RASSF3: variants seen among roughly 807,000 people sequenced by gnomAD.
RASSF3 encodes the protein ras association domain-containing protein 3.
RASSF3 carries 19 observed loss-of-function variants against 19.9 expected under a neutral mutation model. The ratio of observed to expected loss-of-function variants is 0.96; its 90% CI spans 0.67 to 1.40. RASSF3 has a LOEUF of 1.40. Among genes scored for constraint, RASSF3 ranks in the 40% most tolerant of loss-of-function variants. RASSF3 has a pLI of 0.00. For missense variants in RASSF3, 306 were observed against 289.8 expected, an observed-to-expected ratio of 1.06 and a Z score of -0.41; for synonymous variants, 110 against 104.2, an observed-to-expected ratio of 1.06 and a Z score of -0.34.
intron 1 of RASSF3, among the ~76,000 whole-genome samples, chr12:64,640,247 A>G (rs1871468114): frequency 6.6e-6 from 1 of 152,190 alleles, no homozygotes; most frequent in Non-Finnish European, 1.5e-5. Flanking sequence ...CAGTGATACC[A>G]CCACACTCAA....
At chr12:64,574,897 T>C (rs891479863) in intron 2 of RASSF3, among the ~76,000 whole-genome samples, 13 of 152,224 alleles carry the variant, frequency 8.5e-5, no homozygotes, top group African/African-American at 3.1e-4. Flanking sequence ...GTGGTTCTTT[T>C]GTTATCCAAC....
At chr12:64,520,573 T>C (rs1329307371) in intron 1 of RASSF3, among the ~76,000 whole-genome samples, 203 of 42,500 alleles carry the variant, frequency 4.8e-3, no homozygotes, top group African/African-American at 0.015. Flanking sequence ...TATATATATA[T>C]ATATATATAT....
chr12:64,609,627 A>C (rs1870266003), upstream of RASSF3, among the ~76,000 whole-genome samples: 1 of 152,214 alleles, frequency 6.6e-6, no homozygotes, highest in Non-Finnish European at 1.5e-5. Context: ...GTTTTAGAAA[A>C]CATGGAAACT....
chr12:64,629,434 C>G (rs993508451), intron 1 of RASSF3, among the ~76,000 whole-genome samples: 1 of 152,098 alleles, frequency 6.6e-6, no homozygotes, highest in East Asian at 1.9e-4. Flanking sequence ...GCTAGAAGGA[C>G]TATACTTAAA....
chr12:64,659,344 C>G (rs896475336), intron 1 of RASSF3, among the ~76,000 whole-genome samples: 2 of 152,132 alleles, frequency 1.3e-5, no homozygotes, highest in African/African-American at 4.8e-5. Context: ...CTAAATGGAA[C>G]CTGTACTGTC....
At chr12:64,640,321 A>C (rs959145083) in intron 1 of RASSF3, among the ~76,000 whole-genome samples, 8 of 152,210 alleles carry the variant, frequency 5.3e-5, no homozygotes, top group Admixed American at 3.9e-4. Context: ...AAGAACACTT[A>C]ACATGAGATT....
chr12:64,516,998 CAAAAA>C (rs371430838), intron 1 of RASSF3, among the ~76,000 whole-genome samples: 3 of 51,968 alleles, frequency 5.8e-5, no homozygotes, highest in African/African-American at 2.1e-4. Flanking sequence ...AAATCTGTCT[CAAAAA>C]AAAAAAAAAA....
chr12:64,588,388 A>G (rs898987185), intron 2 of RASSF3, among the ~76,000 whole-genome samples: 8 of 152,272 alleles, frequency 5.3e-5, no homozygotes, highest in African/African-American at 1.9e-4. Context: ...GAAGCCTTTA[A>G]AATACCTTTT....
chr12:64,595,985 A>G (rs1869993689), intron 2 of RASSF3, among the ~76,000 whole-genome samples: 1 of 152,172 alleles, frequency 6.6e-6, no homozygotes, highest in African/African-American at 2.4e-5. Flanking sequence ...AAAGCTATCC[A>G]TAAAGAAATC....
At chr12:64,644,899 T>C (rs931858348) in intron 1 of RASSF3, among the ~76,000 whole-genome samples, 5 of 151,762 alleles carry the variant, frequency 3.3e-5, no homozygotes, top group African/African-American at 1.2e-4. Flanking sequence ...GCAAAACCTG[T>C]CTCTACAAAA....
intron 1 of RASSF3, among the ~76,000 whole-genome samples, chr12:64,616,725 C>A (rs1339885585): frequency 2.0e-5 from 3 of 152,192 alleles, no homozygotes; most frequent in Non-Finnish European, 4.4e-5. Flanking sequence ...CACACATTTG[C>A]CTTGTAGGAA....
intron 1 of RASSF3, among the ~76,000 whole-genome samples, chr12:64,534,099 A>T (rs1321876933): frequency 1.3e-5 from 2 of 151,632 alleles, no homozygotes; most frequent in African/African-American, 4.9e-5. Context: ...TCTCTAAAAA[A>T]ATTTTGTTTT....
intron 3 of RASSF3, among the ~76,000 whole-genome samples, chr12:64,690,891 A>T (rs1868270239): frequency 1.3e-5 from 2 of 149,210 alleles, no homozygotes; most frequent in Admixed American, 6.7e-5. Context: ...ACAGAGTTTC[A>T]CTCTTGTTGC....
chr12:64,675,011 C>T (rs1239200027), intron 1 of RASSF3, among the ~76,000 whole-genome samples: 2 of 138,670 alleles, frequency 1.4e-5, no homozygotes, highest in Non-Finnish European at 3.1e-5. Context: ...ATTTTTTAGA[C>T]TATGTGTTAG....
chr12:64,625,939 C>T (rs1424962462), intron 1 of RASSF3, among the ~76,000 whole-genome samples: 2 of 152,098 alleles, frequency 1.3e-5, no homozygotes, highest in African/African-American at 2.4e-5. Context: ...TCTTGGAACC[C>T]GGTGGGAAAC....
intron 1 of RASSF3, among the ~76,000 whole-genome samples, chr12:64,646,503 C>T (rs1016748900): frequency 5.9e-5 from 9 of 152,160 alleles, no homozygotes; most frequent in Admixed American, 5.2e-4. Flanking sequence ...CAATACATAG[C>T]CTAAAGCTTT....
chr12:64,689,009 C>T (rs1873471092), intron 3 of RASSF3, among the ~76,000 whole-genome samples: 1 of 152,068 alleles, frequency 6.6e-6, no homozygotes, highest in African/African-American at 2.4e-5. Context: ...GTACTCTGTC[C>T]CCCAGAGGCT....
rs199869472 is a variant in RASSF3 at position 64,694,846 on chromosome 12, G to A, written c.651G>A (p.Lys217=). Residue 217 remains lysine, a synonymous_variant, in exon 5 of 5, where the codon AAG becomes AAA. Transcript: ENST00000542104. ...KEEDEQLQNL[K]RRYTAYRQKL... is the part of the protein sequence containing the mutation. The stretch of plus-strand genomic sequence containing the variant: ...AAGATGAACAGCTGCAGAACCTGAA[G>A]AGGCGCTACACAGCCTACAGGCAGA... The A allele has an allele frequency of 2.7e-5, 44 of 1,614,126 alleles. No homozygotes were observed. Among genetic ancestry groups the A allele is most frequent in the Non-Finnish European group, 3.5e-5 (41 of 1,180,036 alleles).
chr12:64,661,990 TA>T (rs58872891), intron 1 of RASSF3, among the ~76,000 whole-genome samples: 87,829 of 144,116 alleles, frequency 0.61, 26,707 homozygotes, highest in African/African-American at 0.69. Context: ...CCCCATCTCT[TA>T]AAAAAAAAAA....
Sources: gnomAD v4.1 joint callset for allele counts (sites outside exome capture counted in the v4.1 genomes callset) on GRCh38, gnomAD v4.1.1 for gene constraint, MANE v1.5 for transcripts, NCBI Gene and HGNC (gene_info 2026-07-23, HGNC 2026-07-21) for gene names.